Variants in TMEM131 observed in about 807,000 individuals in gnomAD.
TMEM131 encodes 2610524E03Rik.
TMEM131 carries 66 observed loss-of-function variants against 211.6 expected under a neutral mutation model. The observed-to-expected ratio is 0.31, with a 90% CI of 0.26 to 0.38. The LOEUF (loss-of-function observed/expected upper bound fraction) is 0.38, where lower values mean the gene tolerates loss of function less well. Among genes scored for constraint, TMEM131 ranks in the 10% least tolerant of loss-of-function variants. TMEM131 has a pLI of 1.00. For missense variants in TMEM131, 2,036 were observed against 2,299.3 expected (o/e 0.89, Z 2.34); for synonymous variants, 844 against 841.3 (o/e 1.00, Z -0.06).
chr2:97,931,565 AC>A (rs1383488073), intron 1 of TMEM131, among the ~76,000 whole-genome samples: 1 of 152,228 alleles, frequency 6.6e-6, no homozygotes, highest in Non-Finnish European at 1.5e-5. Context: ...CATGAAAAAA[AC>A]AAATGCTGTA....
chr2:97,856,735 T>A (rs977023515), intron 5 of TMEM131, among the ~76,000 whole-genome samples: 3 of 152,212 alleles, frequency 2.0e-5, no homozygotes, highest in East Asian at 3.9e-4. Context: ...GGAGAGGAAA[T>A]AGGTTATTTC....
intron 3 of TMEM131, among the ~76,000 whole-genome samples, chr2:97,888,322 A>G (rs1358501690): frequency 1.3e-5 from 2 of 152,148 alleles, no homozygotes; most frequent in African/African-American, 4.8e-5. Context: ...AAGTGGGATT[A>G]TTTTTCTTCT....
rs1553612325 is a variant in TMEM131, at chr2:97,903,685, GTTTA to G, written c.290+4969_290+4972del. 3.1e-3 allele frequency among the ~76,000 whole-genome samples: 472 copies of G among 149,986 alleles called. 1 individual carries two copies. Among genetic ancestry groups the G allele is most frequent in the African/African-American group, 0.01 (413 of 39,584 alleles). ...CAGAAAACTCTAGCTGGGTTTGTTTGTTTATTTATTTATTTATTTATTTTGAGAG... is the reference window on the plus strand; with the variant it reads ...CAGAAAACTCTAGCTGGGTTTGTTTGTTTATTTATTTATTTATTTTGAGAG... On this transcript the variant is annotated intron_variant, in intron 3 of 40. Coordinates refer to ENST00000186436, the MANE Select transcript of TMEM131 (RefSeq NM_015348.2).
chr2:97,801,872 T>C (rs371609768), intron 25 of TMEM131, 23 bp downstream of exon 25: 4 of 1,497,266 alleles, frequency 2.7e-6, no homozygotes, highest in Non-Finnish European at 3.6e-6. Flanking sequence ...TTCTTTGGAA[T>C]AGTATGAAGT....
At chr2:97,959,990 G>A (rs532979504) in intron 1 of TMEM131, among the ~76,000 whole-genome samples, 2 of 152,140 alleles carry the variant, frequency 1.3e-5, no homozygotes, top group African/African-American at 4.8e-5. Flanking sequence ...ATTAGATTCA[G>A]GGCAAATATT....
At position 97,757,388 on chromosome 2, in the gene TMEM131, G is replaced by A. The variant is rs368016281; in HGVS notation, c.5368-5C>T. 17 of 1,586,036 alleles carry A rather than the reference G, an allele frequency of 1.1e-5. No homozygotes were observed. Among genetic ancestry groups the A allele is most frequent in the Middle Eastern group, 1.8e-4 (1 of 5,686 alleles). On this transcript the variant is annotated splice_polypyrimidine_tract_variant and splice_region_variant and intron_variant, in intron 40 of 40. Transcript: ENST00000186436. The stretch of plus-strand genomic sequence containing the variant: ...GCTGGTGTTACCGAGGACCGACTGC[G>A]ACAAAACAGAAAGCGTCCAGCACTG...
rs1396661245 is a variant in TMEM131, at chr2:97,766,188, G to T, written c.4649C>A (p.Thr1550Asn). ...GTCTTTTTCACCCTCTGAGCTACTGGTGTTGCCTAATTCTTGACTATTCGG... is the reference window on the plus strand; with the variant it reads ...GTCTTTTTCACCCTCTGAGCTACTGTTGTTGCCTAATTCTTGACTATTCGG... The part of the protein sequence containing the change: ...FLPNSQELGN[T>N]SSSEGEKDSP... Residue 1550 changes from threonine (T) to asparagine (N), a missense_variant, in exon 35 of 41, where the codon ACC becomes AAC. Thr to Asn is a moderately conservative substitution (Grantham distance 65). This residue lies in a region of TMEM131 where 1,623 missense variants were observed against 1,805.9 expected (regional missense o/e 0.90). Transcript: ENST00000186436. The T allele has an allele frequency of 1.2e-6, 2 of 1,613,952 alleles. No homozygotes were observed. Among genetic ancestry groups the T allele is most frequent in the Non-Finnish European group, 1.7e-6 (2 of 1,179,916 alleles).
intron 33 of TMEM131, among the ~76,000 whole-genome samples, chr2:97,771,646 T>C (rs1311639244): frequency 6.6e-6 from 1 of 152,240 alleles, no homozygotes; most frequent in African/African-American, 2.4e-5. Context: ...ACTAAAATTA[T>C]CAGGTAGATG....
chr2:97,857,381 T>C (rs1673891487), intron 5 of TMEM131, among the ~76,000 whole-genome samples: 1 of 152,112 alleles, frequency 6.6e-6, no homozygotes, highest in Non-Finnish European at 1.5e-5. Context: ...CTAGCCCAGT[T>C]TAAGAATCTG....
At chr2:97,819,498 G>C (rs1481027550) in intron 11 of TMEM131, among the ~76,000 whole-genome samples, 1 of 152,112 alleles carries the variant, frequency 6.6e-6, no homozygotes, top group Admixed American at 6.6e-5. Context: ...TTCCAATATT[G>C]ATGTTTTAAT....
At chr2:97,938,807 A>G (rs1677573070) in intron 1 of TMEM131, among the ~76,000 whole-genome samples, 1 of 152,260 alleles carries the variant, frequency 6.6e-6, no homozygotes, top group South Asian at 2.1e-4. Context: ...ATGTAAAAGA[A>G]TAGAAATTAT....
At chr2:97,889,904 TA>T (rs1412582324) in intron 3 of TMEM131, among the ~76,000 whole-genome samples, 3 of 152,128 alleles carry the variant, frequency 2.0e-5, no homozygotes, top group Non-Finnish European at 2.9e-5. Context: ...AAAAGTTGAA[TA>T]TGTTAGGTGA....
rs150558304 is a variant in TMEM131, at chr2:97,841,386, T to C, written c.723+429A>G. ...TTAAGCATAATTCTATATTACCCTT[T>C]CCCTGAATTTTAATTTCTAGGTTGC... On this transcript the variant is annotated intron_variant, in intron 7 of 40. Transcript: ENST00000186436. Among the ~76,000 whole-genome samples, 7 of 152,350 alleles carry C rather than the reference T, an allele frequency of 4.6e-5. No individual in the cohort carries two copies. In the East Asian group the frequency reaches 1.3e-3, roughly 29 times the overall value.
intron 1 of TMEM131, among the ~76,000 whole-genome samples, chr2:97,966,043 A>C (rs981466890): frequency 6.6e-6 from 1 of 152,090 alleles, no homozygotes; most frequent in Non-Finnish European, 1.5e-5. Flanking sequence ...TTAAAAAAAA[A>C]CTTAAATTGC....
At chr2:97,901,582 C>T (rs1236521804) in intron 3 of TMEM131, among the ~76,000 whole-genome samples, 1 of 151,984 alleles carries the variant, frequency 6.6e-6, no homozygotes, top group East Asian at 1.9e-4. Context: ...ATATTAAACA[C>T]AATGGAATAT....
At chr2:97,806,496 G>A (rs1256248422) in intron 19 of TMEM131, among the ~76,000 whole-genome samples, 1 of 151,998 alleles carries the variant, frequency 6.6e-6, no homozygotes. Flanking sequence ...AGCCGAGATC[G>A]TACCACGGCA....
chr2:97,831,700 C>T (rs544809329), intron 11 of TMEM131, among the ~76,000 whole-genome samples: 107 of 103,836 alleles, frequency 1.0e-3, no homozygotes, highest in Middle Eastern at 8.6e-3. Flanking sequence ...GAGACAGTCT[C>T]GGTCTGTTGC....
intron 4 of TMEM131, among the ~76,000 whole-genome samples, chr2:97,860,991 G>A (rs1047003731): frequency 6.6e-6 from 1 of 152,046 alleles, no homozygotes; most frequent in Non-Finnish European, 1.5e-5. Context: ...CTTGGGAGAG[G>A]GACAGTGCAG....
At chr2:97,904,502 T>G (rs969649345) in intron 3 of TMEM131, among the ~76,000 whole-genome samples, 8 of 152,132 alleles carry the variant, frequency 5.3e-5, no homozygotes, top group African/African-American at 1.7e-4. Context: ...ATCTTTTCTC[T>G]AAAATTATTT....
Sources: allele counts gnomAD v4.1 joint callset (sites outside exome capture counted in the v4.1 genomes callset), GRCh38; gene constraint gnomAD v4.1.1; regional missense constraint gnomAD v4.1.1; transcripts MANE v1.5; gene names NCBI Gene and HGNC (gene_info 2026-07-23, HGNC 2026-07-21).